RRP9: variants seen among roughly 807,000 people sequenced by gnomAD.
The protein encoded by RRP9 is U3 small nucleolar RNA-interacting protein 2.
Under a neutral mutation model 65.5 loss-of-function variants are expected in RRP9, and 35 were observed. That is an observed-to-expected ratio of 0.53 (90% CI 0.41 to 0.71). The LOEUF (loss-of-function observed/expected upper bound fraction) is 0.71, where lower values mean the gene tolerates loss of function less well. RRP9 is among the 30% of genes least tolerant of loss of function. The pLI, the probability that RRP9 is intolerant of heterozygous loss-of-function variation, is 0.00. For synonymous variants in RRP9, 254 were observed against 245.0 expected (o/e 1.04, Z -0.34); for missense variants, 533 against 633.6 (o/e 0.84, Z 1.70).
At chr3:51,941,683 G>T in intron 1 of RRP9, 98 bp downstream of exon 1, 1 of 1,221,408 alleles carries the variant, frequency 8.2e-7, no homozygotes, top group Non-Finnish European at 1.2e-6. Flanking sequence ...GGTCCAGGGC[G>T]AAGGGCTGGG....
At chr3:51,938,007 A>G in intron 3 of RRP9, 88 bp downstream of exon 3, 1 of 1,146,882 alleles carries the variant, frequency 8.7e-7, no homozygotes, top group Non-Finnish European at 1.2e-6. Flanking sequence ...CATGTCAGTC[A>G]CCCATCAAGT....
chr3:51,936,462 C>A lies in RRP9; in HGVS notation c.611G>T (p.Cys204Phe), dbSNP rs1167334046. The change falls in exon 7 of 15, where the codon TGC (cysteine) becomes TTC (phenylalanine). Residue 204 changes from cysteine (C) to phenylalanine (F), a missense_variant. This residue lies in a region of RRP9 where 449 missense variants were observed against 550.6 expected (regional missense o/e 0.82). Coordinates refer to ENST00000232888, the MANE Select transcript of RRP9 (RefSeq NM_004704.5). ...KPPGHSSHVL[C>F]MAISSDGKYL... Reference sequence around the variant, plus strand: ...CTTGCCGTCGGAGGAGATGGCCATGCAGAGGACGTGGCTGCTGTGGCCAGG... The same window carrying A: ...CTTGCCGTCGGAGGAGATGGCCATGAAGAGGACGTGGCTGCTGTGGCCAGG... The A allele has an allele frequency of 6.2e-7, 1 of 1,614,240 alleles. No individual in the cohort carries two copies. Among genetic ancestry groups the A allele is most frequent in the Admixed American group, 1.7e-5 (1 of 60,016 alleles).
At position 51,938,207 on chromosome 3, in the gene RRP9, G is replaced by T. The variant is rs776030666; in HGVS notation, c.171-3C>A. Reference sequence around the variant, plus strand: ...CCTCAGGCTTCCTTGGAGCTAGGCTGTGGGCAGGAAGGGGCTGGGTCTGAG... The same window carrying T: ...CCTCAGGCTTCCTTGGAGCTAGGCTTTGGGCAGGAAGGGGCTGGGTCTGAG... On this transcript the variant is annotated splice_region_variant and splice_polypyrimidine_tract_variant and intron_variant, in intron 2 of 14. Transcript: ENST00000232888. 1 of 1,552,252 alleles carries T rather than the reference G, an allele frequency of 6.4e-7. No individual in the cohort carries two copies.
In RRP9 at chr3:51,937,631, C is replaced by T. The variant is rs201499174; in HGVS notation, c.348+38G>A. On this transcript the variant is annotated intron_variant, in intron 4 of 14. Coordinates refer to ENST00000232888, the MANE Select transcript of RRP9 (RefSeq NM_004704.5). The surrounding 1 kb of genome is among the most constrained non-coding windows in gnomAD (Gnocchi z 5.0). Reference sequence around the variant, plus strand: ...ATGAGACCCTGGGAGCAGATCAGCTCCACCCCCGTCCTCCCCCAACTCTCC... The same window carrying T: ...ATGAGACCCTGGGAGCAGATCAGCTTCACCCCCGTCCTCCCCCAACTCTCC... 1 of 1,614,216 alleles carries T rather than the reference C, an allele frequency of 6.2e-7. No homozygotes were observed. Among genetic ancestry groups the T allele is most frequent in the Non-Finnish European group, 8.5e-7 (1 of 1,180,024 alleles).
chr3:51,939,681 T>A (rs1699497610), intron 2 of RRP9, among the ~76,000 whole-genome samples: 1 of 152,240 alleles, frequency 6.6e-6, no homozygotes, highest in South Asian at 2.1e-4. Context: ...AAAATGTTAA[T>A]TTTTTAAAAG....
Position 51,934,379 on chromosome 3 carries a change from C to T in RRP9, c.1260+93G>A, listed in dbSNP as rs1163804352. The T allele has an allele frequency of 7.4e-7, 1 of 1,349,022 alleles. No homozygotes were observed. The highest frequency in any genetic ancestry group is 1.0e-6 in the Non-Finnish European group (1 of 982,838). 83.6% of individuals were successfully genotyped at this position (1,349,022 alleles called of 1,614,324 possible). On this transcript the variant is annotated intron_variant, in intron 13 of 14. Coordinates refer to ENST00000232888, the MANE Select transcript of RRP9 (RefSeq NM_004704.5). This position sits in a 1 kb window ranked among gnomAD's most constrained non-coding sequence, Gnocchi z 4.1. ...AGCTGGCCCTGCCCTGAGAAGGTTC[C>T]CTTCTGGCAGGAAGAAAGACCTTAA...
At position 51,934,923 on chromosome 3, in the gene RRP9, T is replaced by G; in HGVS notation, c.1035-147A>C. Reference sequence around the variant, plus strand: ...TATTGCATGCCTGTATCAAAACATCTCAAGTACCCCACAAATACGTACACC... The same window carrying G: ...TATTGCATGCCTGTATCAAAACATCGCAAGTACCCCACAAATACGTACACC... On this transcript the variant is annotated intron_variant, in intron 11 of 14. Coordinates refer to ENST00000232888, the MANE Select transcript of RRP9 (RefSeq NM_004704.5). The surrounding 1 kb of genome is among the most constrained non-coding windows in gnomAD (Gnocchi z 4.1). 1 of 938,430 alleles carries G rather than the reference T, an allele frequency of 1.1e-6. No homozygotes were observed. The allele number at this position is 938,430 out of a possible 1,614,324, so 58.1% of individuals were successfully genotyped here. A position where few individuals can be genotyped will look rare whatever the true frequency, so the allele number is the denominator to read the frequency against.
At chr3:51,935,769 T>C in intron 8 of RRP9, 77 bp from the exon 9 acceptor site, 1 of 1,262,876 alleles carries the variant, frequency 7.9e-7, no homozygotes, top group South Asian at 1.2e-5. Flanking sequence ...AGGGAGGACT[T>C]CCCAAAAAGC....
chr3:51,941,568 T>G (rs1699533264), intron 1 of RRP9, 77 bp from the exon 2 acceptor site: 2 of 1,358,362 alleles, frequency 1.5e-6, no homozygotes, highest in East Asian at 2.3e-5. Context: ...CCCCCCTCGG[T>G]TCCCTCAGAA....
chr3:51,937,437 T>C lies in RRP9; in HGVS notation c.390+108A>G, dbSNP rs1699471722. ...CCAGAAGGAAAACAAGACCCAAGGCTACAACAACCAGATCCTTACCTGACC... is the reference window on the plus strand; with the variant it reads ...CCAGAAGGAAAACAAGACCCAAGGCCACAACAACCAGATCCTTACCTGACC... On this transcript the variant is annotated intron_variant, in intron 5 of 14. Transcript: ENST00000232888. The surrounding 1 kb of genome is among the most constrained non-coding windows in gnomAD (Gnocchi z 5.0). 1.2e-6 allele frequency: 2 copies of C among 1,605,624 alleles called. No individual in the cohort carries two copies. Among genetic ancestry groups the C allele is most frequent in the Non-Finnish European group, 1.7e-6 (2 of 1,173,220 alleles).
In RRP9 at chr3:51,935,708, G is replaced by T. The variant is rs774595485; in HGVS notation, c.736-16C>A. On this transcript the variant is annotated splice_polypyrimidine_tract_variant and intron_variant, in intron 8 of 14. Transcript: ENST00000232888. ...ATGCCAGACCCTAAGGGTGCATGGG[G>T]AGAGGGCAAAGGGGACCTGGACTAC... 1.2e-6 allele frequency: 2 copies of T among 1,606,056 alleles called. No individual in the cohort carries two copies. The highest frequency in any genetic ancestry group is 1.7e-6 in the Non-Finnish European group (2 of 1,172,678).
At chr3:51,935,947 C>A (rs1330510417) in intron 8 of RRP9, among the ~76,000 whole-genome samples, 1 of 152,180 alleles carries the variant, frequency 6.6e-6, no homozygotes, top group East Asian at 1.9e-4. Context: ...CTGCAGCCTC[C>A]ATCTCCTGGG....
chr3:51,941,713 C>A, intron 1 of RRP9, 68 bp downstream of exon 1: 1 of 1,392,494 alleles, frequency 7.2e-7, no homozygotes. Flanking sequence ...GGACCCAGGT[C>A]CCCTGGATGG....
rs540186619 is a variant in RRP9 at position 51,938,332 on chromosome 3, C to T, written c.171-128G>A. On this transcript the variant is annotated intron_variant, in intron 2 of 14. Transcript: ENST00000232888. ...CCCTGCTAGCCCACATGGTCGGTGA[C>T]TACACTGCAGAAAACTGAAGGATGT... 7.3e-6 allele frequency: 5 copies of T among 682,348 alleles called. No individual in the cohort carries two copies. The East Asian group carries it at 1.4e-4, about 20-fold the overall frequency. 42.3% of individuals were successfully genotyped at this position (682,348 alleles called of 1,614,324 possible). A position where few individuals can be genotyped will look rare whatever the true frequency, so the allele number is the denominator to read the frequency against.
rs143239259 is a variant in RRP9 at position 51,941,469 on chromosome 3, C to T, written c.110G>A (p.Gly37Asp). 6.2e-6 allele frequency: 10 copies of T among 1,614,062 alleles called. No individual in the cohort carries two copies. The highest frequency in any genetic ancestry group is 8.5e-6 in the Non-Finnish European group (10 of 1,179,984). Residue 37 changes from glycine (G) to aspartate (D), a missense_variant, in exon 2 of 15, where the codon GGC becomes GAC. Physicochemically the swap from Gly to Asp is moderately conservative, Grantham distance 94. Transcript: ENST00000232888. The stretch of plus-strand genomic sequence containing the variant: ...CATCTTGCCGCCACCCTTGGATTTG[C>T]CCCTGTCCCCCGCAGAGTCGGCCTG... ...RRKADSAGDR[G>D]KSKGGGKMNE...
intron 1 of RRP9, 72 bp from the exon 2 acceptor site, chr3:51,941,563 C>A: frequency 2.1e-6 from 3 of 1,395,678 alleles, no homozygotes; most frequent in Non-Finnish European, 3.0e-6. Flanking sequence ...GCCCCCCCCC[C>A]TCGGTTCCCT....
chr3:51,937,464 G>A lies in RRP9; in HGVS notation c.390+81C>T, dbSNP rs972772077. 6.2e-7 allele frequency: 1 copy of A among 1,606,750 alleles called. No individual in the cohort carries two copies. Among genetic ancestry groups the A allele is most frequent in the East Asian group, 2.2e-5 (1 of 44,854 alleles). On this transcript the variant is annotated intron_variant, in intron 5 of 14. Transcript: ENST00000232888. The surrounding 1 kb of genome is among the most constrained non-coding windows in gnomAD (Gnocchi z 5.0). ...CAACAACCAGATCCTTACCTGACCA[G>A]ATAGGCCCAAGTGTCCACCATGTTC... is the stretch of plus-strand genomic sequence containing the variant.
intron 14 of RRP9, 46 bp downstream of exon 14, chr3:51,933,662 G>A: frequency 6.2e-7 from 1 of 1,611,414 alleles, no homozygotes; most frequent in Non-Finnish European, 8.5e-7. Flanking sequence ...CCACCGAGCT[G>A]TCCAGCCTGC....
chr3:51,933,861 C>T, intron 13 of RRP9, 80 bp from the exon 14 acceptor site: 2 of 1,356,776 alleles, frequency 1.5e-6, no homozygotes, highest in South Asian at 1.2e-5. Flanking sequence ...AAGGGCTGGG[C>T]CTTATCAGGC....
Sources: allele counts gnomAD v4.1 joint callset (sites outside exome capture counted in the v4.1 genomes callset), GRCh38; gene constraint gnomAD v4.1.1; regional missense constraint gnomAD v4.1.1; non-coding constraint Gnocchi (gnomAD v3.1); transcripts MANE v1.5; gene names NCBI Gene and HGNC (gene_info 2026-07-23, HGNC 2026-07-21).